Variants in RAB38 observed in about 807,000 individuals in gnomAD.
RAB38 encodes the protein ras-related protein Rab-38.
RAB38 carries 15 observed loss-of-function variants against 18.4 expected under a neutral mutation model. The ratio of observed to expected loss-of-function variants is 0.82; its 90% CI spans 0.55 to 1.26. The LOEUF is 1.26. RAB38 is among the 50% of genes most tolerant of loss of function. The pLI is 0.00. For synonymous variants in RAB38, 101 were observed against 104.4 expected, an observed-to-expected ratio of 0.97 and a Z score of 0.20; for missense variants, 294 against 267.4, an observed-to-expected ratio of 1.10 and a Z score of -0.69.
At chr11:88,006,274 C>T in the RAB38 span, among the ~76,000 whole-genome samples, 2 of 151,306 alleles carry the variant, frequency 1.3e-5, no homozygotes, top group Non-Finnish European at 3.0e-5. Context: ...CGAAAGATGA[C>T]AAGTGTTAGC....
chr11:88,154,163 T>C (rs554046126), intron 1 of RAB38, among the ~76,000 whole-genome samples: 2 of 152,340 alleles, frequency 1.3e-5, no homozygotes, highest in Non-Finnish European at 2.9e-5. Flanking sequence ...GTGGAGTTTC[T>C]TGGAGACATT....
At chr11:88,144,811 A>C (rs1942961109) in intron 2 of RAB38, among the ~76,000 whole-genome samples, 1 of 152,108 alleles carries the variant, frequency 6.6e-6, no homozygotes, top group South Asian at 2.1e-4. Flanking sequence ...GAAGCACTGG[A>C]GGTTCTTTCT....
chr11:88,125,317 C>T (rs1942682067), intron 2 of RAB38, among the ~76,000 whole-genome samples: 1 of 152,108 alleles, frequency 6.6e-6, no homozygotes, highest in Admixed American at 6.6e-5. Flanking sequence ...GACCATAAAC[C>T]CTTCCCTCAA....
the RAB38 span, among the ~76,000 whole-genome samples, chr11:88,090,196 AG>A: frequency 6.6e-6 from 1 of 151,988 alleles, no homozygotes; most frequent in African/African-American, 2.4e-5. Context: ...AATTAATAGA[AG>A]CGTCTTTAGG....
chr11:87,804,953 C>T, the RAB38 span, among the ~76,000 whole-genome samples: 266 of 152,246 alleles, frequency 1.7e-3, 1 homozygote, highest in African/African-American at 6.2e-3. Context: ...CAAAAAAAGT[C>T]GTTTGTCTCT....
chr11:88,145,478 G>A (rs908866122), intron 2 of RAB38, among the ~76,000 whole-genome samples: 2 of 152,044 alleles, frequency 1.3e-5, no homozygotes, highest in Non-Finnish European at 2.9e-5. Context: ...AGTAGCTCTA[G>A]AAGGTGAGTG....
chr11:87,935,181 T>C, the RAB38 span, among the ~76,000 whole-genome samples: 1 of 152,076 alleles, frequency 6.6e-6, no homozygotes, highest in Non-Finnish European at 1.5e-5. Flanking sequence ...ATATTAGATA[T>C]CCTTTTAAAA....
chr11:87,930,477 A>T, the RAB38 span, among the ~76,000 whole-genome samples: 2 of 152,106 alleles, frequency 1.3e-5, no homozygotes, highest in Non-Finnish European at 2.9e-5. Flanking sequence ...CCTTTGTCAG[A>T]TGAGTAGATT....
chr11:88,077,693 T>C, the RAB38 span, among the ~76,000 whole-genome samples: 1 of 152,100 alleles, frequency 6.6e-6, no homozygotes, highest in Non-Finnish European at 1.5e-5. Context: ...GAAGAAAATA[T>C]TGGGAAAATA....
the RAB38 span, among the ~76,000 whole-genome samples, chr11:88,023,487 A>C: frequency 6.6e-6 from 1 of 152,134 alleles, no homozygotes; most frequent in African/African-American, 2.4e-5. Flanking sequence ...AGCAATATAC[A>C]GATTCAATTA....
the RAB38 span, among the ~76,000 whole-genome samples, chr11:87,888,294 C>A: frequency 6.5e-3 from 995 of 151,966 alleles, 13 homozygotes; most frequent in Non-Finnish European, 0.01. Flanking sequence ...TATGTATTTC[C>A]ATTTCAGATA....
intron 2 of RAB38, among the ~76,000 whole-genome samples, chr11:88,148,892 T>A (rs1295869424): frequency 6.6e-6 from 1 of 152,214 alleles, no homozygotes; most frequent in African/African-American, 2.4e-5. Flanking sequence ...TATGGTTTTT[T>A]ATGGATTTTC....
In RAB38 at chr11:88,175,171, C is replaced by G; in HGVS notation, c.202+12G>C. On this transcript the variant is annotated intron_variant, in intron 1 of 2. Coordinates refer to ENST00000243662, the MANE Select transcript of RAB38 (RefSeq NM_022337.3). ...GCGCTCTATCCCCCTGACCCCCTCC[C>G]CCCGCGCTCACCTGCGATATCCCAG... 6.9e-6 allele frequency: 11 copies of G among 1,585,478 alleles called. No individual in the cohort carries two copies. The highest frequency in any genetic ancestry group is 9.4e-6 in the Non-Finnish European group (11 of 1,164,276).
At chr11:88,080,187 C>T in the RAB38 span, among the ~76,000 whole-genome samples, 3 of 151,628 alleles carry the variant, frequency 2.0e-5, no homozygotes, top group East Asian at 5.8e-4. Context: ...GAGTGAGCTT[C>T]TCAGTGTTTC....
chr11:87,838,339 C>T, the RAB38 span, among the ~76,000 whole-genome samples: 1 of 152,162 alleles, frequency 6.6e-6, no homozygotes, highest in Non-Finnish European at 1.5e-5. Context: ...TGGTCTCGAT[C>T]TCCTGACCTC....
chr11:88,125,139 C>T (rs1019673644), intron 2 of RAB38, among the ~76,000 whole-genome samples: 1 of 152,188 alleles, frequency 6.6e-6, no homozygotes, highest in Non-Finnish European at 1.5e-5. Context: ...CAGACTGTCT[C>T]TTAACTACTC....
the RAB38 span, among the ~76,000 whole-genome samples, chr11:88,077,790 C>T: frequency 1.3e-5 from 2 of 152,024 alleles, no homozygotes; most frequent in African/African-American, 4.8e-5. Flanking sequence ...AATGGGATTA[C>T]ATCAAACTGA....
chr11:87,952,913 T>G, the RAB38 span, among the ~76,000 whole-genome samples: 2 of 152,180 alleles, frequency 1.3e-5, no homozygotes, highest in African/African-American at 4.8e-5. Flanking sequence ...CCACTGTGTT[T>G]GTGTCTTTAT....
At chr11:88,029,017 T>C in the RAB38 span, among the ~76,000 whole-genome samples, 1 of 152,028 alleles carries the variant, frequency 6.6e-6, no homozygotes, top group Non-Finnish European at 1.5e-5. Flanking sequence ...CCCATCAGAC[T>C]AACAGCGGAT....
Sources: gnomAD v4.1 joint callset for allele counts (sites outside exome capture counted in the v4.1 genomes callset) on GRCh38, gnomAD v4.1.1 for gene constraint, MANE v1.5 for transcripts, NCBI Gene and HGNC (gene_info 2026-07-23, HGNC 2026-07-21) for gene names.